The following MRM2 variants were observed in gnomAD, a reference collection of about 807,000 sequenced individuals.
The protein encoded by MRM2 is mitochondrial rRNA methyltransferase 2.
A neutral mutation model predicts 10.9 loss-of-function variants in MRM2; 15 were observed. The observed-to-expected ratio is 1.37, with a 90% CI of 0.92 to 2.11. The LOEUF (loss-of-function observed/expected upper bound fraction) is 2.11, where lower values mean the gene tolerates loss of function less well. MRM2 is among the 30% of genes most tolerant of loss of function. The pLI, the probability that MRM2 is intolerant of heterozygous loss-of-function variation, is 0.00. For synonymous variants in MRM2, 139 were observed against 128.7 expected (o/e 1.08, Z -0.54); for missense variants, 328 against 321.3 (o/e 1.02, Z -0.16).
At position 2,235,367 on chromosome 7, in the gene MRM2, C is replaced by G. The variant is rs370782679; in HGVS notation, c.496G>C (p.Asp166His). ...CACAGGCTGATGAGCCTGTCATGAT[C>G]GAGGTCCCGGAACCCTGTGGCATTG... is the stretch of plus-strand genomic sequence containing the variant. Reference protein sequence around the residue: ...APNATGFRDLDHDRLISLCLT... With the variant: ...APNATGFRDLHHDRLISLCLT... The change falls in exon 3 of 3, where the codon GAT becomes CAT. Residue 166 changes from aspartate (D) to histidine (H), a missense_variant. Physicochemically the swap from Asp to His is moderately conservative, Grantham distance 81. Coordinates refer to ENST00000242257, the MANE Select transcript of MRM2 (RefSeq NM_013393.3). 1.9e-6 allele frequency: 3 copies of G among 1,614,106 alleles called. No homozygotes were observed. The highest frequency in any genetic ancestry group is 1.7e-6 in the Non-Finnish European group (2 of 1,180,018).
intron 1 of MRM2, among the ~76,000 whole-genome samples, chr7:2,241,053 G>A (rs2115045083): frequency 6.6e-6 from 1 of 152,212 alleles, no homozygotes; most frequent in Admixed American, 6.5e-5. Flanking sequence ...CCAGGCTGGA[G>A]TGCAGTGGCA....
chr7:2,242,029 G>C, intron 1 of MRM2, 133 bp downstream of exon 1: 1 of 985,536 alleles, frequency 1.0e-6, no homozygotes, highest in Admixed American at 3.1e-5. Context: ...CCTCGCCCCT[G>C]TCGCGCTCGC....
chr7:2,238,952 A>G (rs568332442), intron 2 of MRM2: 5,130 of 188,380 alleles, frequency 0.027, 136 homozygotes, highest in Admixed American at 0.041. Flanking sequence ...AGGGGGGGGA[A>G]GAACAAAAAT....
chr7:2,242,173 T>C lies in MRM2; in HGVS notation c.-4A>G, dbSNP rs548804514. The C allele has an allele frequency of 3.6e-5, 57 of 1,587,044 alleles. No individual in the cohort carries two copies. In the African/African-American group the frequency reaches 4.1e-4, roughly 11 times the overall value. On this transcript the variant is annotated 5_prime_UTR_variant, in exon 1 of 3. Transcript: ENST00000242257. The stretch of plus-strand genomic sequence containing the variant: ...AGCGCCCAGCTCACCCCGCCATTGG[T>C]GTTCCCCGCGCCTGCAGCGCGCCGC...
chr7:2,236,105 C>T (rs1193322135), intron 2 of MRM2, among the ~76,000 whole-genome samples: 1 of 152,150 alleles, frequency 6.6e-6, no homozygotes, highest in African/African-American at 2.4e-5. Flanking sequence ...TGGCACGTGC[C>T]TGTAATCCCA....
intron 2 of MRM2, among the ~76,000 whole-genome samples, chr7:2,236,433 A>C (rs1045202048): frequency 6.6e-6 from 1 of 152,258 alleles, no homozygotes; most frequent in African/African-American, 2.4e-5. Context: ...TTACACCTAA[A>C]ATCCCAGCAC....
intron 1 of MRM2, chr7:2,241,827 G>T: frequency 2.9e-6 from 1 of 341,512 alleles, no homozygotes; most frequent in South Asian, 7.6e-5. Context: ...GGAAGCGCGG[G>T]CAATGGAGCT....
intron 2 of MRM2, among the ~76,000 whole-genome samples, chr7:2,237,433 A>G (rs939967565): frequency 7.2e-5 from 11 of 152,192 alleles, no homozygotes; most frequent in Non-Finnish European, 1.6e-4. Flanking sequence ...CAGGCAGATC[A>G]CGCTCACGCT....
intron 1 of MRM2, among the ~76,000 whole-genome samples, chr7:2,240,588 A>G (rs1407945934): frequency 6.6e-6 from 1 of 152,174 alleles, no homozygotes; most frequent in Non-Finnish European, 1.5e-5. Context: ...TCTCTAGACA[A>G]TTGTTACAAT....
chr7:2,240,425 G>C (rs1794500758), intron 1 of MRM2: 4 of 324,804 alleles, frequency 1.2e-5, no homozygotes, highest in South Asian at 7.2e-5. Context: ...TTTCGAGACA[G>C]GGTCTCGCTC....
At chr7:2,240,396 TTTCTTTTTTTC>T (rs1195195411) in intron 1 of MRM2, 5 of 341,242 alleles carry the variant, frequency 1.5e-5, no homozygotes, top group African/African-American at 1.1e-4. Flanking sequence ...GCCTGTCACA[TTTCTTTTTTTC>T]TTCTTTTTTT....
rs1168160014 is a variant in MRM2, at chr7:2,241,801, C to A, written c.8+361G>T. Among the ~76,000 whole-genome samples, 2 of 152,222 alleles carry A rather than the reference C, an allele frequency of 1.3e-5. 1 individual carries two copies. The highest frequency in any genetic ancestry group is 4.8e-5 in the African/African-American group (2 of 41,472). On this transcript the variant is annotated intron_variant, in intron 1 of 2. Coordinates refer to ENST00000242257, the MANE Select transcript of MRM2 (RefSeq NM_013393.3). ...CACAAGCCGGTCCCGGGGGCCAGGG[C>A]CCACTCGACAGCCCAGGAAGCGCGG...
intron 1 of MRM2, chr7:2,241,895 C>T: frequency 2.3e-6 from 1 of 434,142 alleles, no homozygotes; most frequent in Non-Finnish European, 4.1e-6. Flanking sequence ...TGGATCTGGG[C>T]CCCGGCGCTG....
intron 2 of MRM2, among the ~76,000 whole-genome samples, chr7:2,235,771 G>C (rs1317376663): frequency 6.6e-6 from 1 of 152,160 alleles, no homozygotes; most frequent in East Asian, 1.9e-4. Context: ...CATCTGAGAA[G>C]CTGAGGCCCA....
intron 2 of MRM2, among the ~76,000 whole-genome samples, chr7:2,236,108 T>A (rs1794415027): frequency 6.6e-6 from 1 of 152,132 alleles, no homozygotes; most frequent in African/African-American, 2.4e-5. Flanking sequence ...CACGTGCCTG[T>A]AATCCCAGCT....
At position 2,234,828 on chromosome 7, in the gene MRM2, C is replaced by T. The variant is rs1451172056; in HGVS notation, c.*294G>A. 2 of 416,748 alleles carry T rather than the reference C, an allele frequency of 4.8e-6. No homozygotes were observed. Among genetic ancestry groups the T allele is most frequent in the African/African-American group, 4.0e-5 (2 of 49,804 alleles). 25.8% of individuals were successfully genotyped at this position (416,748 alleles called of 1,614,324 possible). A position where few individuals can be genotyped will look rare whatever the true frequency, so the allele number is the denominator to read the frequency against. On this transcript the variant is annotated 3_prime_UTR_variant, in exon 3 of 3. Coordinates refer to ENST00000242257, the MANE Select transcript of MRM2 (RefSeq NM_013393.3). ...CCTGCCTCGGCGGATTCCTTCTGAT[C>T]CTTCCCACAGTCTGTTTTTCTCCAT... is the stretch of plus-strand genomic sequence containing the variant.
Position 2,235,310 on chromosome 7 carries a change from G to C in MRM2, c.553C>G (p.Leu185Val). The C allele has an allele frequency of 6.2e-7, 1 of 1,614,106 alleles. No homozygotes were observed. The highest frequency in any genetic ancestry group is 8.5e-7 in the Non-Finnish European group (1 of 1,179,982). Residue 185 changes from leucine (L) to valine (V), a missense_variant, in exon 3 of 3, where the codon CTG (leucine) becomes GTG (valine). Physicochemically the swap from Leu to Val is conservative, Grantham distance 32 (BLOSUM62 1). Coordinates refer to ENST00000242257, the MANE Select transcript of MRM2 (RefSeq NM_013393.3). ...LTLLSVTPDI[L>V]QPGGTFLCKT... Reference sequence around the variant, plus strand: ...CAAAGGAATGTCCCCCCAGGTTGCAGGATGTCTGGGGTCACGCTGAGAAGG... The same window carrying C: ...CAAAGGAATGTCCCCCCAGGTTGCACGATGTCTGGGGTCACGCTGAGAAGG...
At position 2,235,216 on chromosome 7, in the gene MRM2, C is replaced by G. The variant is rs758067183; in HGVS notation, c.647G>C (p.Arg216Thr). 6.2e-6 allele frequency: 10 copies of G among 1,613,972 alleles called. No individual in the cohort carries two copies. In the South Asian group the frequency reaches 6.6e-5, roughly 11 times the overall value. ...RRLTEEFQNV[R>T]IIKPEASRKE... ...CCTGCTGGCTTCAGGTTTGATGATCCTTACATTCTGGAATTCCTCTGTCAG... is the reference window on the plus strand; with the variant it reads ...CCTGCTGGCTTCAGGTTTGATGATCGTTACATTCTGGAATTCCTCTGTCAG... Residue 216 changes from arginine to threonine, a missense_variant, in exon 3 of 3, where the codon AGG becomes ACG. By Grantham distance (71) the Arg-to-Thr change is moderately conservative. Transcript: ENST00000242257.
At chr7:2,235,933 C>T (rs886584100) in intron 2 of MRM2, among the ~76,000 whole-genome samples, 1 of 152,170 alleles carries the variant, frequency 6.6e-6, no homozygotes, top group African/African-American at 2.4e-5. Flanking sequence ...TTTTGATAAA[C>T]TAAAATAGAA....
Sources: gnomAD v4.1 joint callset for allele counts (sites outside exome capture counted in the v4.1 genomes callset) on GRCh38, gnomAD v4.1.1 for gene constraint, MANE v1.5 for transcripts, NCBI Gene and HGNC (gene_info 2026-07-23, HGNC 2026-07-21) for gene names.